KSR1: variants seen among roughly 807,000 people sequenced by gnomAD.
The protein encoded by KSR1 is kinase suppressor of ras.
Under a neutral mutation model 92.9 loss-of-function variants are expected in KSR1, and 35 were observed. The observed-to-expected ratio is 0.38, with a 90% CI of 0.29 to 0.50. The LOEUF is 0.50. Ranked by LOEUF, KSR1 falls within the 20% of genes least tolerant of loss-of-function variation. The pLI is 0.94. For synonymous variants in KSR1, 467 were observed against 472.6 expected (o/e 0.99, Z 0.15); for missense variants, 972 against 1,158.5 (o/e 0.84, Z 2.34).
chr17:27,598,602 C>T (rs1335169305), intron 10 of KSR1, among the ~76,000 whole-genome samples: 2 of 152,242 alleles, frequency 1.3e-5, no homozygotes, highest in Non-Finnish European at 2.9e-5. Context: ...TTAACCTCCT[C>T]TCCCATTCTG....
intron 1 of KSR1, among the ~76,000 whole-genome samples, chr17:27,520,709 C>A (rs1015413096): frequency 6.6e-6 from 1 of 152,212 alleles, no homozygotes; most frequent in African/African-American, 2.4e-5. Flanking sequence ...AGGCTGTGCC[C>A]GCCCAGGTTT....
chr17:27,563,051 T>C (rs2151118486), intron 2 of KSR1, among the ~76,000 whole-genome samples: 1 of 152,306 alleles, frequency 6.6e-6, no homozygotes, highest in East Asian at 1.9e-4. Context: ...ACTGGCTCTA[T>C]GTCCAAGTAT....
chr17:27,516,419 T>A (rs1367135515), intron 1 of KSR1, among the ~76,000 whole-genome samples: 1 of 152,184 alleles, frequency 6.6e-6, no homozygotes, highest in Non-Finnish European at 1.5e-5. Flanking sequence ...GAGCCATATT[T>A]ACCTGATGAG....
intron 1 of KSR1, among the ~76,000 whole-genome samples, chr17:27,461,754 C>T (rs1009939852): frequency 2.6e-5 from 4 of 152,254 alleles, no homozygotes; most frequent in African/African-American, 9.6e-5. Context: ...GGTTTGCTGC[C>T]TGCAGCTATG....
intron 4 of KSR1, among the ~76,000 whole-genome samples, chr17:27,585,149 C>G (rs2072919126): frequency 6.6e-6 from 1 of 152,194 alleles, no homozygotes; most frequent in Admixed American, 6.5e-5. Context: ...CTTGGCCAGG[C>G]TGGTCTTGAA....
At chr17:27,621,808 C>T in intron 20 of KSR1, 1 of 923,310 alleles carries the variant, frequency 1.1e-6, no homozygotes. Flanking sequence ...CCCTTTCTCT[C>T]TGGAAGAGAA....
rs748132730 is a variant in KSR1, at chr17:27,604,707, G to C, written c.1593G>C (p.Val531=). Residue 531 remains valine, a synonymous_variant, in exon 13 of 21, where the codon GTG becomes GTC. Transcript: ENST00000644974. ...TRLDDQPKAD[V]LEAHEAEAEE... ...TCGATGACCAGCCGAAAGCAGATGT[G>C]TTGGAAGCTCACGAAGCGGAGGTGA... 6 of 1,614,072 alleles carry C rather than the reference G, an allele frequency of 3.7e-6. No homozygotes were observed. The Admixed American group carries it at 1.0e-4, about 27-fold the overall frequency.
At chr17:27,550,484 T>C in intron 1 of KSR1, 84 bp from the exon 2 acceptor site, 1 of 726,778 alleles carries the variant, frequency 1.4e-6, no homozygotes. Context: ...TGTGTCTGCC[T>C]GAGCTCCTCT....
intron 1 of KSR1, among the ~76,000 whole-genome samples, chr17:27,534,231 C>T (rs148041796): frequency 4.6e-4 from 70 of 152,324 alleles, no homozygotes; most frequent in East Asian, 2.9e-3. Flanking sequence ...GTTCCAGCCA[C>T]GCCTGGCCTT....
intron 18 of KSR1, among the ~76,000 whole-genome samples, chr17:27,616,677 A>G (rs1184341203): frequency 6.6e-6 from 1 of 152,172 alleles, no homozygotes; most frequent in Non-Finnish European, 1.5e-5. Context: ...TCGTATGTGC[A>G]AGAAATAGGC....
In KSR1 at chr17:27,559,524, G is replaced by A. The variant is rs142726709; in HGVS notation, c.372+8816G>A. Among the ~76,000 whole-genome samples, 35 of 152,360 alleles carry A rather than the reference G, an allele frequency of 2.3e-4. No homozygotes were observed. The highest frequency in any genetic ancestry group is 3.7e-4 in the Non-Finnish European group (25 of 68,040). ...ACTGAAATTCGTGTTTTGTTTTATC[G>A]TAATGAATTTTAATTTGAATAGACA... On this transcript the variant is annotated intron_variant, in intron 2 of 20. Transcript: ENST00000644974. This position sits in a 1 kb window ranked among gnomAD's most constrained non-coding sequence, Gnocchi z 4.2.
At chr17:27,476,140 G>A (rs1162160142) in intron 1 of KSR1, among the ~76,000 whole-genome samples, 2 of 152,188 alleles carry the variant, frequency 1.3e-5, no homozygotes, top group Non-Finnish European at 2.9e-5. Flanking sequence ...GGACTGGACT[G>A]CACGGCTCCT....
intron 1 of KSR1, among the ~76,000 whole-genome samples, chr17:27,516,427 G>A (rs1158531817): frequency 6.6e-6 from 1 of 151,976 alleles, no homozygotes; most frequent in East Asian, 1.9e-4. Flanking sequence ...TTTACCTGAT[G>A]AGAGAGATCA....
intron 2 of KSR1, among the ~76,000 whole-genome samples, chr17:27,560,912 A>G (rs1050401486): frequency 1.3e-5 from 2 of 152,204 alleles, no homozygotes; most frequent in Non-Finnish European, 2.9e-5. Context: ...CCAATGTGTC[A>G]GCCCAGCAGC....
intron 1 of KSR1, among the ~76,000 whole-genome samples, chr17:27,502,841 C>T (rs2069240316): frequency 6.6e-6 from 1 of 152,208 alleles, no homozygotes; most frequent in Admixed American, 6.5e-5. Context: ...GCGAGTGGCT[C>T]CCTTGGCTCT....
intron 2 of KSR1, among the ~76,000 whole-genome samples, chr17:27,561,024 C>T (rs1220841140): frequency 6.6e-6 from 1 of 152,152 alleles, no homozygotes; most frequent in Non-Finnish European, 1.5e-5. Flanking sequence ...GCCTGTATCA[C>T]CTGGCCAGTC....
intron 1 of KSR1, among the ~76,000 whole-genome samples, chr17:27,487,359 TGGGA>T (rs2068696819): frequency 6.6e-6 from 1 of 152,060 alleles, no homozygotes; most frequent in South Asian, 2.1e-4. Context: ...CGCTCGAACC[TGGGA>T]GGTGGAGGTT....
At chr17:27,482,265 A>G (rs185774532) in intron 1 of KSR1, among the ~76,000 whole-genome samples, 177 of 152,256 alleles carry the variant, frequency 1.2e-3, no homozygotes, top group Non-Finnish European at 1.7e-3. Context: ...AATTATATGT[A>G]TATAAAAATT....
rs186106068 is a variant in KSR1 at position 27,518,396 on chromosome 17, G to A, written c.232-32172G>A. Among the ~76,000 whole-genome samples, 39 of 152,286 alleles carry A rather than the reference G, an allele frequency of 2.6e-4. No homozygotes were observed. The East Asian group carries it at 6.8e-3, about 26-fold the overall frequency. ...ATATTCTTAAAGAAAAAGGCAGAAG[G>A]TATGTATTTCGAAAGCATCCTATAG... On this transcript the variant is annotated intron_variant, in intron 1 of 20. Transcript: ENST00000644974.
Sources: gnomAD v4.1 joint callset for allele counts (sites outside exome capture counted in the v4.1 genomes callset) on GRCh38, gnomAD v4.1.1 for gene constraint, Gnocchi (gnomAD v3.1) non-coding constraint, MANE v1.5 for transcripts, NCBI Gene and HGNC (gene_info 2026-07-23, HGNC 2026-07-21) for gene names.